The following TASOR variants were observed in gnomAD, a reference collection of about 807,000 sequenced individuals.
The protein encoded by TASOR is protein TASOR.
TASOR carries 53 observed loss-of-function variants against 178.6 expected under a neutral mutation model. The ratio of observed to expected loss-of-function variants is 0.30; its 90% confidence interval spans 0.24 to 0.37. The LOEUF is 0.37. Among genes scored for constraint, TASOR ranks in the 10% least tolerant of loss-of-function variants. The pLI, the probability that TASOR is intolerant of heterozygous loss-of-function variation, is 1.00. For missense variants in TASOR, 1,815 were observed against 1,971.4 expected (o/e 0.92, Z 1.50); for synonymous variants, 713 against 696.2 (o/e 1.02, Z -0.38).
At chr3:56,680,805 T>C (rs1249843050) in intron 1 of TASOR, among the ~76,000 whole-genome samples, 2 of 152,130 alleles carry the variant, frequency 1.3e-5, no homozygotes, top group Non-Finnish European at 2.9e-5. Context: ...CTGCGATATA[T>C]TTTCCTCCCA....
chr3:56,682,598 G>A lies in TASOR; in HGVS notation c.331+78C>T, dbSNP rs2031903220. 6 of 1,312,858 alleles carry A rather than the reference G, an allele frequency of 4.6e-6. No homozygotes were observed. In the Admixed American group the frequency reaches 1.2e-4, roughly 26 times the overall value. The allele number at this position is 1,312,858 out of a possible 1,614,324, so 81.3% of individuals were successfully genotyped here. On this transcript the variant is annotated intron_variant, in intron 1 of 23. Coordinates refer to ENST00000683822, the MANE Select transcript of TASOR (RefSeq NM_001365635.2). ...TGTTTACGTATCTCGGATGGGTGTG[G>A]GAAGAGGAGATAGAAAGATTCTAAT...
At chr3:56,669,080 A>T (rs1026108207) in intron 5 of TASOR, among the ~76,000 whole-genome samples, 1 of 152,204 alleles carries the variant, frequency 6.6e-6, no homozygotes, top group South Asian at 2.1e-4. Context: ...AACTTGTTTA[A>T]TAACAAGTAA....
chr3:56,637,991 G>A (rs1015271434), intron 17 of TASOR, among the ~76,000 whole-genome samples: 2 of 152,116 alleles, frequency 1.3e-5, no homozygotes, highest in Admixed American at 1.3e-4. Context: ...TTTACAATCA[G>A]AAGAACTAGG....
intron 3 of TASOR, among the ~76,000 whole-genome samples, chr3:56,670,808 T>C (rs371257261): frequency 2.7e-5 from 4 of 150,640 alleles, no homozygotes; most frequent in African/African-American, 9.8e-5. Context: ...TGCGGTGGCG[T>C]GTCCTGTAAT....
intron 11 of TASOR, among the ~76,000 whole-genome samples, chr3:56,660,460 C>CAT (rs2077569720): frequency 7.0e-6 from 1 of 143,852 alleles, no homozygotes; most frequent in South Asian, 2.2e-4. Context: ...CACTGTACTC[C>CAT]ATCCTGGTGA....
At position 56,641,331 on chromosome 3, in the gene TASOR, C is replaced by T. The variant is rs1236726181; in HGVS notation, c.2619+18G>A. On this transcript the variant is annotated intron_variant, in intron 15 of 23. Transcript: ENST00000683822. ...ACACACTCACAAACACAAAGGTAACCAACAGCTATATGCTTACTTCTTTCA... is the reference window on the plus strand; with the variant it reads ...ACACACTCACAAACACAAAGGTAACTAACAGCTATATGCTTACTTCTTTCA... 3 of 1,563,200 alleles carry T rather than the reference C, an allele frequency of 1.9e-6. No homozygotes were observed. Among genetic ancestry groups the T allele is most frequent in the Non-Finnish European group, 2.6e-6 (3 of 1,146,528 alleles).
At chr3:56,648,050 T>A (rs903610057) in intron 13 of TASOR, among the ~76,000 whole-genome samples, 7 of 150,996 alleles carry the variant, frequency 4.6e-5, no homozygotes, top group Non-Finnish European at 8.9e-5. Flanking sequence ...AAAAAAAAAA[T>A]TTAAACTTAG....
rs374171902 is a variant in TASOR, at chr3:56,622,991, A to G, written c.*46T>C. On this transcript the variant is annotated 3_prime_UTR_variant, in exon 24 of 24. Transcript: ENST00000683822. ...TTTAGAGAATGAAATATAAATTGTT[A>G]ATAAACAAAGTCCACAACAATCTCT... 15 of 1,236,804 alleles carry G rather than the reference A, an allele frequency of 1.2e-5. No individual in the cohort carries two copies. The highest frequency in any genetic ancestry group is 1.7e-5 in the Non-Finnish European group (15 of 904,618). The allele number at this position is 1,236,804 out of a possible 1,614,324, so 76.6% of individuals were successfully genotyped here.
intron 18 of TASOR, among the ~76,000 whole-genome samples, chr3:56,631,885 CTGTG>C (rs773107364): frequency 1.3e-5 from 2 of 151,998 alleles, no homozygotes; most frequent in Non-Finnish European, 2.9e-5. Flanking sequence ...GCCCAGCCAT[CTGTG>C]TGTGTGTTTA....
Position 56,665,719 on chromosome 3 carries a change from C to T in TASOR, c.1022+541G>A, listed in dbSNP as rs541419543. On this transcript the variant is annotated intron_variant, in intron 7 of 23. Transcript: ENST00000683822. ...AGGTGCGGTGGCTGACGCCTGTAAT[C>T]CCAGCACTTTGGGAGGTCGAGGCAG... Among the ~76,000 whole-genome samples, 83 of 152,008 alleles carry T rather than the reference C, an allele frequency of 5.5e-4. 1 individual carries two copies. The South Asian group carries it at 0.017, about 30-fold the overall frequency.
intron 14 of TASOR, among the ~76,000 whole-genome samples, chr3:56,642,827 T>C (rs1214523481): frequency 6.6e-6 from 1 of 151,920 alleles, no homozygotes; most frequent in Non-Finnish European, 1.5e-5. Context: ...ATACAAAAAA[T>C]TCGCTGGGCG....
chr3:56,667,481 C>T (rs1253504473), intron 6 of TASOR, among the ~76,000 whole-genome samples: 1 of 151,986 alleles, frequency 6.6e-6, no homozygotes, highest in East Asian at 1.9e-4. Flanking sequence ...GGTGAAACCC[C>T]ATCTCTACTA....
At chr3:56,668,658 C>A in intron 5 of TASOR, 100 bp from the exon 6 acceptor site, 1 of 915,508 alleles carries the variant, frequency 1.1e-6, no homozygotes, top group Non-Finnish European at 1.6e-6. Flanking sequence ...ATCAACTATC[C>A]CAACCATTTT....
intron 21 of TASOR, among the ~76,000 whole-genome samples, chr3:56,625,834 G>A (rs775403464): frequency 1.3e-5 from 2 of 152,020 alleles, no homozygotes; most frequent in Non-Finnish European, 2.9e-5. Flanking sequence ...ATGTTGGACA[G>A]GATACTCTCA....
At chr3:56,669,860 T>G in intron 4 of TASOR, 69 bp from the exon 5 acceptor site, 1 of 1,173,400 alleles carries the variant, frequency 8.5e-7, no homozygotes, top group Non-Finnish European at 1.2e-6. Context: ...AAATAAGACA[T>G]TTTTAAGAAG....
At chr3:56,671,415 GA>G in intron 3 of TASOR, 184 bp downstream of exon 3, 2 of 516,116 alleles carry the variant, frequency 3.9e-6, no homozygotes, top group South Asian at 3.1e-5. Context: ...ACTGGTCAGA[GA>G]AAAAACTGAG....
At chr3:56,653,262 C>CA (rs1176419181) in intron 11 of TASOR, among the ~76,000 whole-genome samples, 334 of 4,954 alleles carry the variant, frequency 0.067, 83 homozygotes, top group Non-Finnish European at 0.11. Context: ...GACTCCATCT[C>CA]AAAAAAAAAA....
intron 1 of TASOR, among the ~76,000 whole-genome samples, chr3:56,677,099 G>T (rs1329650942): frequency 6.6e-6 from 1 of 152,148 alleles, no homozygotes; most frequent in Non-Finnish European, 1.5e-5. Context: ...AATTTATTAA[G>T]TTCATGTTCT....
Position 56,633,720 on chromosome 3 carries a change from T to C in TASOR, c.3071A>G (p.Glu1024Gly). The C allele has an allele frequency of 6.2e-7, 1 of 1,614,192 alleles. No homozygotes were observed. The highest frequency in any genetic ancestry group is 8.5e-7 in the Non-Finnish European group (1 of 1,180,042). Residue 1024 changes from glutamate to glycine, a missense_variant, in exon 18 of 24, where the codon GAG (glutamate) becomes GGG (glycine). Around this residue, in one of 5 missense-constraint regions of TASOR, gnomAD observed 655 missense variants for 671.1 expected, o/e 0.98. Coordinates refer to ENST00000683822, the MANE Select transcript of TASOR (RefSeq NM_001365635.2). Reference protein sequence around the residue: ...SETTERTVLGEYNLFSRKIEE... With the variant: ...SETTERTVLGGYNLFSRKIEE... ...TATCTTCCTAGAAAAGAGATTGTACTCTCCTAACACTGTCCTCTCTGTGGT... is the reference window on the plus strand; with the variant it reads ...TATCTTCCTAGAAAAGAGATTGTACCCTCCTAACACTGTCCTCTCTGTGGT...
Sources: gnomAD v4.1 joint callset for allele counts (sites outside exome capture counted in the v4.1 genomes callset) on GRCh38, gnomAD v4.1.1 for gene constraint, gnomAD v4.1.1 regional missense constraint, MANE v1.5 for transcripts, NCBI Gene and HGNC (gene_info 2026-07-23, HGNC 2026-07-21) for gene names.